Variants in TBC1D14 observed in about 807,000 individuals in gnomAD.
TBC1D14 encodes TBC1 domain family member 14.
Under a neutral mutation model 79.0 loss-of-function variants are expected in TBC1D14, and 26 were observed. That is an observed-to-expected ratio of 0.33 (90% CI 0.24 to 0.46). TBC1D14 has a LOEUF of 0.46. Ranked by LOEUF, TBC1D14 falls within the 20% of genes least tolerant of loss-of-function variation. The pLI is 1.00. For missense variants in TBC1D14, 769 were observed against 887.6 expected, an observed-to-expected ratio of 0.87 and a Z score of 1.70; for synonymous variants, 394 against 349.9, an observed-to-expected ratio of 1.13 and a Z score of -1.40.
At position 6,967,570 on chromosome 4, in the gene TBC1D14, A is replaced by G. The variant is rs1715815434; in HGVS notation, c.843+146A>G. 6.4e-6 allele frequency: 7 copies of G among 1,086,612 alleles called. No individual in the cohort carries two copies. In the Admixed American group the frequency reaches 8.5e-5, roughly 13 times the overall value. The allele number at this position is 1,086,612 out of a possible 1,614,324, so 67.3% of individuals were successfully genotyped here. ...CCACGTTCCTCAGATTTAAGTCTGT[A>G]TTCACAATGTGGATGAATTTAACCT... is the stretch of plus-strand genomic sequence containing the variant. On this transcript the variant is annotated intron_variant, in intron 3 of 13. Coordinates refer to ENST00000409757, the MANE Select transcript of TBC1D14 (RefSeq NM_020773.3).
At chr4:6,994,352 CA>C (rs1718796558) in intron 4 of TBC1D14, 50 bp downstream of exon 4, 1 of 1,536,290 alleles carries the variant, frequency 6.5e-7, no homozygotes, top group Non-Finnish European at 9.0e-7. Flanking sequence ...GAAATAAGTA[CA>C]ACTTGCTAAG....
At chr4:6,987,087 C>CCTT in intron 3 of TBC1D14, 1 of 1,047,022 alleles carries the variant, frequency 9.6e-7, no homozygotes, top group Non-Finnish European at 1.2e-6. Flanking sequence ...AGCCCCGCCC[C>CCTT]TTGTGCCCGC....
intron 3 of TBC1D14, among the ~76,000 whole-genome samples, chr4:6,975,693 T>C (rs1216351950): frequency 6.6e-6 from 1 of 152,188 alleles, no homozygotes; most frequent in Admixed American, 6.5e-5. Flanking sequence ...AAGTGGAAAT[T>C]TTGTAACTGA....
At position 6,994,282 on chromosome 4, in the gene TBC1D14, C is replaced by T; in HGVS notation, c.942C>T (p.Leu314=). Residue 314 remains leucine, a synonymous_variant, in exon 4 of 14, where the codon CTC becomes CTT. Transcript: ENST00000409757. The part of the protein sequence containing the change: ...LDFEPLSTTA[L]ILEDRPANLP... ...TTGAACCACTTTCCACCACCGCACT[C>T]ATCCTCGAGGACAGACCAGCGTGAG... 1 of 1,614,144 alleles carries T rather than the reference C, an allele frequency of 6.2e-7. No individual in the cohort carries two copies. The highest frequency in any genetic ancestry group is 8.5e-7 in the Non-Finnish European group (1 of 1,179,970).
chr4:6,938,648 A>G (rs1577061571), intron 2 of TBC1D14, among the ~76,000 whole-genome samples: 2 of 152,264 alleles, frequency 1.3e-5, no homozygotes, highest in African/African-American at 4.8e-5. Context: ...CCACATCCCT[A>G]GATCATTTCT....
intron 3 of TBC1D14, among the ~76,000 whole-genome samples, chr4:6,985,127 C>T (rs1717708429): frequency 1.3e-5 from 2 of 152,184 alleles, no homozygotes; most frequent in African/African-American, 4.8e-5. Context: ...GAACCATTTG[C>T]AGTATTATGA....
chr4:7,007,816 C>T (rs1302256537), intron 9 of TBC1D14, among the ~76,000 whole-genome samples: 2 of 152,218 alleles, frequency 1.3e-5, no homozygotes, highest in Non-Finnish European at 2.9e-5. Flanking sequence ...TGGAGCTGCT[C>T]CTGTTTCTTG....
chr4:6,919,822 T>G (rs1036314723), intron 1 of TBC1D14, among the ~76,000 whole-genome samples: 3 of 152,142 alleles, frequency 2.0e-5, no homozygotes, highest in African/African-American at 4.8e-5. Context: ...GGTTTCACCA[T>G]GTTGGTCAGG....
intron 3 of TBC1D14, among the ~76,000 whole-genome samples, chr4:6,980,364 C>T (rs1413661373): frequency 6.6e-6 from 1 of 152,046 alleles, no homozygotes; most frequent in Admixed American, 6.6e-5. Flanking sequence ...ACACAACATA[C>T]CAAAATTTGT....
At position 7,031,105 on chromosome 4, in the gene TBC1D14, G is replaced by C. The variant is rs560952263; in HGVS notation, c.*713G>C. 3.9e-5 allele frequency: 6 copies of C among 152,392 alleles called. No homozygotes were observed. The highest frequency in any genetic ancestry group is 1.4e-4 in the African/African-American group (6 of 41,490). 9.4% of individuals were successfully genotyped at this position (152,392 alleles called of 1,614,324 possible). ...TCGGTCCTGCGGAGGTGGAAAGTTC[G>C]AGAGGAGGAGCTATTTGCGAGGAAG... is the stretch of plus-strand genomic sequence containing the variant. On this transcript the variant is annotated 3_prime_UTR_variant, in exon 14 of 14. Coordinates refer to ENST00000409757, the MANE Select transcript of TBC1D14 (RefSeq NM_020773.3).
chr4:7,013,901 G>A (rs1033475050), intron 11 of TBC1D14, among the ~76,000 whole-genome samples: 2 of 152,072 alleles, frequency 1.3e-5, no homozygotes, highest in Non-Finnish European at 2.9e-5. Flanking sequence ...CCGCCACCAC[G>A]CCTGGCTAAT....
intron 1 of TBC1D14, 95 bp from the exon 2 acceptor site, chr4:6,923,278 C>A: frequency 7.2e-7 from 1 of 1,388,242 alleles, no homozygotes; most frequent in South Asian, 1.5e-5. Flanking sequence ...GGCTTTCTCC[C>A]TTAAGTGAGA....
At chr4:6,930,953 T>G (rs941447901) in intron 2 of TBC1D14, among the ~76,000 whole-genome samples, 2 of 152,096 alleles carry the variant, frequency 1.3e-5, no homozygotes, top group East Asian at 3.9e-4. Flanking sequence ...TAGGCTGGAG[T>G]GCAGTGGTGT....
At chr4:6,999,774 G>A (rs1439466055) in intron 6 of TBC1D14, among the ~76,000 whole-genome samples, 1 of 152,104 alleles carries the variant, frequency 6.6e-6, no homozygotes, top group Non-Finnish European at 1.5e-5. Flanking sequence ...GGGCCCTGTG[G>A]TTCTGTGTGC....
chr4:7,025,294 A>G (rs1722245650), intron 13 of TBC1D14, 32 bp downstream of exon 13: 2 of 1,612,244 alleles, frequency 1.2e-6, no homozygotes, highest in East Asian at 2.2e-5. Context: ...GGCTTCCCAC[A>G]GCGTAGCCGG....
At chr4:6,981,308 A>C (rs1056481068) in intron 3 of TBC1D14, among the ~76,000 whole-genome samples, 2 of 152,198 alleles carry the variant, frequency 1.3e-5, no homozygotes, top group African/African-American at 2.4e-5. Context: ...TACAGGTGTG[A>C]GGTACTGCAC....
At chr4:6,988,957 A>G (rs997065943) in intron 3 of TBC1D14, among the ~76,000 whole-genome samples, 5 of 137,578 alleles carry the variant, frequency 3.6e-5, no homozygotes, top group Admixed American at 3.3e-4. Flanking sequence ...GCTTACTGCA[A>G]CCTTGAACTC....
At chr4:6,985,375 C>G (rs572695854) in intron 3 of TBC1D14, among the ~76,000 whole-genome samples, 3 of 152,190 alleles carry the variant, frequency 2.0e-5, no homozygotes, top group African/African-American at 7.2e-5. Context: ...TAAAACACTC[C>G]TTTTTCTCAC....
chr4:6,987,487 G>C (rs1428985454), intron 3 of TBC1D14: 1 of 800,410 alleles, frequency 1.2e-6, no homozygotes, highest in African/African-American at 1.8e-5. Flanking sequence ...GCGGTTGTGC[G>C]GGTGTGCGAG....
Sources: gnomAD v4.1 joint callset for allele counts (sites outside exome capture counted in the v4.1 genomes callset) on GRCh38, gnomAD v4.1.1 for gene constraint, MANE v1.5 for transcripts, NCBI Gene and HGNC (gene_info 2026-07-23, HGNC 2026-07-21) for gene names.